The following TG variants were observed in gnomAD, a reference collection of about 807,000 sequenced individuals.
TG encodes the protein thyroid hormones.
A neutral mutation model predicts 324.7 loss-of-function variants in TG; 270 were observed. The ratio of observed to expected loss-of-function variants is 0.83; its 90% confidence interval spans 0.75 to 0.92. TG has a LOEUF of 0.92. TG is among the 40% of genes least tolerant of loss of function. The pLI, the probability that TG is intolerant of heterozygous loss-of-function variation, is 0.00. For missense variants in TG, 3,591 were observed against 3,456.4 expected, an observed-to-expected ratio of 1.04 and a Z score of -0.98; for synonymous variants, 1,401 against 1,327.0, an observed-to-expected ratio of 1.06 and a Z score of -1.21.
At chr8:133,123,419 G>A (rs191898495) in intron 45 of TG, among the ~76,000 whole-genome samples, 34 of 152,108 alleles carry the variant, frequency 2.2e-4, no homozygotes, top group Admixed American at 3.9e-4. Flanking sequence ...TGTCTCTCCC[G>A]GGTCTGAGGC....
At chr8:132,900,460 G>T in intron 15 of TG, 121 bp downstream of exon 15, 2 of 887,690 alleles carry the variant, frequency 2.3e-6, no homozygotes, top group South Asian at 1.4e-5. Flanking sequence ...GGGCACAGCT[G>T]CTGACCTCAC....
At chr8:133,030,626 A>G (rs568520788) in intron 41 of TG, among the ~76,000 whole-genome samples, 19 of 152,370 alleles carry the variant, frequency 1.2e-4, no homozygotes, top group African/African-American at 4.3e-4. Flanking sequence ...GCCATGAAAC[A>G]TTATACATAA....
At chr8:133,007,245 G>A (rs1015396215) in intron 35 of TG, among the ~76,000 whole-genome samples, 8 of 152,190 alleles carry the variant, frequency 5.3e-5, no homozygotes, top group African/African-American at 1.9e-4. Context: ...AGTAAGACCG[G>A]GAGAAGGGGG....
At chr8:133,081,949 TCTC>T (rs1845820090) in intron 41 of TG, among the ~76,000 whole-genome samples, 1 of 152,186 alleles carries the variant, frequency 6.6e-6, no homozygotes, top group East Asian at 1.9e-4. Context: ...GAAACAGGCA[TCTC>T]ATTTCTAAGC....
chr8:133,128,380 C>G (rs910023674), intron 45 of TG, among the ~76,000 whole-genome samples: 3 of 147,900 alleles, frequency 2.0e-5, no homozygotes, highest in African/African-American at 7.6e-5. Context: ...CACACACACA[C>G]ACAGTCATCC....
chr8:132,988,085 C>CAG (rs1831811486), intron 35 of TG, among the ~76,000 whole-genome samples: 1 of 151,584 alleles, frequency 6.6e-6, no homozygotes, highest in Non-Finnish European at 1.5e-5. Context: ...CACACACACA[C>CAG]ACACACACAC....
intron 41 of TG, among the ~76,000 whole-genome samples, chr8:133,061,461 C>T (rs898685642): frequency 1.3e-5 from 2 of 152,180 alleles, no homozygotes; most frequent in Non-Finnish European, 2.9e-5. Flanking sequence ...TACTGATTGT[C>T]CTTAATGATA....
Position 133,011,943 on chromosome 8 carries a change from T to C in TG, c.6305T>C (p.Val2102Ala). The C allele has an allele frequency of 3.1e-6, 5 of 1,614,218 alleles. No homozygotes were observed. The highest frequency in any genetic ancestry group is 2.5e-6 in the Non-Finnish European group (3 of 1,180,028). The change falls in exon 36 of 48, where the codon GTT (valine) becomes GCT (alanine). Residue 2102 changes from valine to alanine, a missense_variant. Coordinates refer to ENST00000220616, the MANE Select transcript of TG (RefSeq NM_003235.5). The part of the protein sequence containing the change: ...SWQSLALSSV[V>A]VDPSIRHFDV... ...CAGTCCCTGGCCCTCTCTTCAGTGGTTGTTGATCCATCCATTAGGCACTTT... is the reference window on the plus strand; with the variant it reads ...CAGTCCCTGGCCCTCTCTTCAGTGGCTGTTGATCCATCCATTAGGCACTTT...
intron 45 of TG, among the ~76,000 whole-genome samples, chr8:133,120,350 T>C (rs1303287535): frequency 6.6e-6 from 1 of 152,240 alleles, no homozygotes; most frequent in Non-Finnish European, 1.5e-5. Context: ...ATCATTGCTG[T>C]GAGAATCAAT....
intron 43 of TG, among the ~76,000 whole-genome samples, chr8:133,105,820 G>C (rs1056173601): frequency 6.6e-5 from 10 of 152,186 alleles, no homozygotes; most frequent in African/African-American, 2.4e-4. Context: ...CAGAAATTAG[G>C]CTGAGGCAGA....
At chr8:133,058,915 GA>G in intron 41 of TG, 1 of 440,316 alleles carries the variant, frequency 2.3e-6, no homozygotes. Flanking sequence ...CATCTGACTT[GA>G]AAGGGGTGTG....
At chr8:132,875,857 T>A (rs751843779) in intron 5 of TG, among the ~76,000 whole-genome samples, 1 of 152,122 alleles carries the variant, frequency 6.6e-6, no homozygotes, top group Non-Finnish European at 1.5e-5. Context: ...TTCCGATACT[T>A]AAGTAGACCT....
rs991615162 is a variant in TG, at chr8:132,911,382, G to A, written c.4008G>A (p.Lys1336=). 6.2e-6 allele frequency: 10 copies of A among 1,614,204 alleles called. No homozygotes were observed. The highest frequency in any genetic ancestry group is 7.6e-6 in the Non-Finnish European group (9 of 1,180,038). The stretch of plus-strand genomic sequence containing the variant: ...AAGTGTCTGTCTTCTTGTAGGTGAA[G>A]ACTTTTGGCACCCTGGTTTCCATTC... The part of the protein sequence containing the change: ...TARGFCQIQV[K]TFGTLVSIPV... The change falls in exon 19 of 48, where the codon AAG becomes AAA. Residue 1336 remains lysine (K), a synonymous_variant. Transcript: ENST00000220616.
rs757992543 is a variant in TG, at chr8:132,887,590, C to G, written c.2176+42C>G. ...TTCAATCTGTAGGTTCCCTGAGTCTCTCTTTAGGCCCTGACCCAATGCAGT... is the reference window on the plus strand; with the variant it reads ...TTCAATCTGTAGGTTCCCTGAGTCTGTCTTTAGGCCCTGACCCAATGCAGT... On this transcript the variant is annotated intron_variant, in intron 9 of 47. Transcript: ENST00000220616. 3 of 1,613,810 alleles carry G rather than the reference C, an allele frequency of 1.9e-6. No homozygotes were observed. The East Asian group carries it at 6.7e-5, about 36-fold the overall frequency.
chr8:132,898,700 C>G (rs1817487876), intron 13 of TG, 98 bp from the exon 14 acceptor site: 8 of 999,866 alleles, frequency 8.0e-6, no homozygotes, highest in Non-Finnish European at 1.1e-5. Context: ...CCTGCATTCA[C>G]CCAGGCTCAT....
intron 13 of TG, 74 bp downstream of exon 13, chr8:132,898,320 C>T (rs992620974): frequency 2.3e-5 from 33 of 1,432,164 alleles, no homozygotes; most frequent in Non-Finnish European, 3.2e-5. Flanking sequence ...CTGTGGTTGC[C>T]TAACCGCTGG....
chr8:133,038,675 T>A, intron 41 of TG: 1 of 1,613,984 alleles, frequency 6.2e-7, no homozygotes. Flanking sequence ...TCGAAGGCCA[T>A]AGCTGAAAAG....
chr8:132,950,432 C>T (rs1423128655), intron 27 of TG, among the ~76,000 whole-genome samples: 1 of 152,216 alleles, frequency 6.6e-6, no homozygotes, highest in Non-Finnish European at 1.5e-5. Context: ...CTCTCTCCTG[C>T]CTCCCAGGGA....
intron 45 of TG, among the ~76,000 whole-genome samples, chr8:133,122,628 G>T (rs1851228142): frequency 6.6e-6 from 1 of 152,158 alleles, no homozygotes; most frequent in Admixed American, 6.5e-5. Flanking sequence ...ACCTACATCT[G>T]CAGAGAGTAA....
Sources: gnomAD v4.1 joint callset for allele counts (sites outside exome capture counted in the v4.1 genomes callset) on GRCh38, gnomAD v4.1.1 for gene constraint, MANE v1.5 for transcripts, NCBI Gene and HGNC (gene_info 2026-07-23, HGNC 2026-07-21) for gene names.